Variants in SGCZ observed in about 807,000 individuals in gnomAD.
SGCZ encodes the protein zeta-sarcoglycan.
A neutral mutation model predicts 41.3 loss-of-function variants in SGCZ; 40 were observed. That is an observed-to-expected ratio of 0.97 (90% CI 0.75 to 1.26). The LOEUF is 1.26. SGCZ is among the 50% of genes most tolerant of loss of function. SGCZ has a pLI of 0.00. For missense variants in SGCZ, 552 were observed against 369.8 expected (o/e 1.49, Z -4.04); for synonymous variants, 206 against 137.5 (o/e 1.50, Z -3.49).
chr8:14,107,239 TAAAAA>T (rs200495044), intron 6 of SGCZ, among the ~76,000 whole-genome samples: 1 of 145,328 alleles, frequency 6.9e-6, no homozygotes, highest in East Asian at 2.0e-4. Context: ...AAAAAATAAA[TAAAAA>T]AAAAAAACAT....
chr8:14,500,611 G>T (rs763912582), intron 2 of SGCZ, among the ~76,000 whole-genome samples: 3 of 151,892 alleles, frequency 2.0e-5, no homozygotes, highest in Non-Finnish European at 4.4e-5. Context: ...TACTCACTAC[G>T]AAAGATAGGA....
intron 4 of SGCZ, among the ~76,000 whole-genome samples, chr8:14,166,856 G>A (rs1224619932): frequency 6.6e-6 from 1 of 152,086 alleles, no homozygotes; most frequent in Admixed American, 6.6e-5. Flanking sequence ...ATGTAAATAA[G>A]CAAAGGCAAA....
chr8:15,229,756 A>T (rs1208722755), intron 1 of SGCZ, among the ~76,000 whole-genome samples: 3 of 152,218 alleles, frequency 2.0e-5, no homozygotes, highest in Non-Finnish European at 4.4e-5. Flanking sequence ...CATTCATGAC[A>T]TTGATTTATT....
intron 2 of SGCZ, among the ~76,000 whole-genome samples, chr8:14,416,181 C>A (rs1315679354): frequency 6.6e-6 from 1 of 151,828 alleles, no homozygotes; most frequent in Non-Finnish European, 1.5e-5. Flanking sequence ...CTCACACACA[C>A]TTTTATATCA....
chr8:14,295,687 G>A (rs111787268), intron 3 of SGCZ, among the ~76,000 whole-genome samples: 7 of 152,124 alleles, frequency 4.6e-5, no homozygotes, highest in African/African-American at 1.4e-4. Flanking sequence ...AAACTAATGG[G>A]GTGAATTCTA....
chr8:15,061,547 A>T (rs971365333), intron 1 of SGCZ, among the ~76,000 whole-genome samples: 12 of 149,322 alleles, frequency 8.0e-5, no homozygotes, highest in African/African-American at 3.0e-4. Context: ...AAAAAACAGG[A>T]AAAAATTAAA....
At chr8:14,948,018 C>G (rs1053737320) in intron 1 of SGCZ, among the ~76,000 whole-genome samples, 7 of 152,112 alleles carry the variant, frequency 4.6e-5, no homozygotes, top group Middle Eastern at 3.2e-3. Flanking sequence ...AGAAGGCAAG[C>G]CTTCTGAAAC....
At chr8:14,436,519 G>C (rs900431580) in intron 2 of SGCZ, among the ~76,000 whole-genome samples, 3 of 152,140 alleles carry the variant, frequency 2.0e-5, no homozygotes, top group Non-Finnish European at 4.4e-5. Context: ...TATAGTGGTA[G>C]TAAGACCATA....
At chr8:14,654,267 G>A (rs1185243083) in intron 1 of SGCZ, among the ~76,000 whole-genome samples, 1 of 151,698 alleles carries the variant, frequency 6.6e-6, no homozygotes, top group Non-Finnish European at 1.5e-5. Flanking sequence ...TGCATGGAAT[G>A]TTTAGGAGCC....
At chr8:14,996,851 C>T (rs1802237382) in intron 1 of SGCZ, among the ~76,000 whole-genome samples, 1 of 152,186 alleles carries the variant, frequency 6.6e-6, no homozygotes, top group South Asian at 2.1e-4. Context: ...GGATCCTTGG[C>T]CAACTTGAGA....
intron 1 of SGCZ, among the ~76,000 whole-genome samples, chr8:14,579,780 T>A (rs1804825084): frequency 6.6e-6 from 1 of 152,162 alleles, no homozygotes. Context: ...TACATGAGTT[T>A]TACGTTCATA....
intron 2 of SGCZ, among the ~76,000 whole-genome samples, chr8:14,354,966 C>T (rs1277695380): frequency 6.6e-6 from 1 of 151,738 alleles, no homozygotes; most frequent in African/African-American, 2.4e-5. Flanking sequence ...TTTCTTAGTT[C>T]AATATTAATA....
rs1378472065 is a variant in SGCZ, at chr8:14,508,424, G to A, written c.234+46308C>T. Among the ~76,000 whole-genome samples, 5 of 152,176 alleles carry A rather than the reference G, an allele frequency of 3.3e-5. No homozygotes were observed. In the East Asian group the frequency reaches 9.6e-4, roughly 29 times the overall value. On this transcript the variant is annotated intron_variant, in intron 2 of 7. Transcript: ENST00000382080. ...TCATTTTAACAGAGGTAATTCTAAA[G>A]TCTGAGAAGAAAGAAGATCCACCTG...
At chr8:15,123,900 T>C (rs971904684) in intron 1 of SGCZ, among the ~76,000 whole-genome samples, 6 of 151,386 alleles carry the variant, frequency 4.0e-5, no homozygotes, top group Non-Finnish European at 5.9e-5. Context: ...GTTAACAAAG[T>C]GAACGCTGGA....
intron 1 of SGCZ, among the ~76,000 whole-genome samples, chr8:14,751,950 C>CA (rs34445154): frequency 0.23 from 28,517 of 126,034 alleles, 2,855 homozygotes; most frequent in Non-Finnish European, 0.25. Context: ...CAAAAACAAA[C>CA]AAAAAAAAAA....
chr8:14,235,855 T>C (rs1045231771), intron 4 of SGCZ, among the ~76,000 whole-genome samples: 2 of 152,118 alleles, frequency 1.3e-5, no homozygotes, highest in African/African-American at 4.8e-5. Flanking sequence ...CAAATAATTT[T>C]TGTATTTTTA....
At chr8:14,546,461 G>A (rs1341542975) in intron 2 of SGCZ, among the ~76,000 whole-genome samples, 2 of 152,104 alleles carry the variant, frequency 1.3e-5, no homozygotes, top group Non-Finnish European at 2.9e-5. Context: ...ATAGCTTTCT[G>A]AAAATCATTG....
At chr8:15,199,450 A>T (rs959162412) in intron 1 of SGCZ, among the ~76,000 whole-genome samples, 1 of 152,180 alleles carries the variant, frequency 6.6e-6, no homozygotes, top group Admixed American at 6.5e-5. Context: ...GAGCGATACC[A>T]TTACTTATGA....
At chr8:15,062,203 A>G (rs1045563243) in intron 1 of SGCZ, among the ~76,000 whole-genome samples, 3 of 152,196 alleles carry the variant, frequency 2.0e-5, no homozygotes, top group Admixed American at 1.3e-4. Context: ...AGTTTTTATT[A>G]TAGTTAATGA....
Sources: gnomAD v4.1 joint callset for allele counts (sites outside exome capture counted in the v4.1 genomes callset) on GRCh38, gnomAD v4.1.1 for gene constraint, MANE v1.5 for transcripts, NCBI Gene and HGNC (gene_info 2026-07-23, HGNC 2026-07-21) for gene names.